Variants in RNF152 observed in about 807,000 individuals in gnomAD.
The protein encoded by RNF152 is E3 ubiquitin-protein ligase RNF152.
RNF152 carries 11 observed loss-of-function variants against 12.7 expected under a neutral mutation model. The observed-to-expected ratio is 0.86, with a 90% CI of 0.54 to 1.43. The LOEUF (loss-of-function observed/expected upper bound fraction) is 1.43. RNF152 is among the 40% of genes most tolerant of loss of function. RNF152 has a pLI of 0.00. For missense variants in RNF152, 255 were observed against 274.8 expected, an observed-to-expected ratio of 0.93 and a Z score of 0.51; for synonymous variants, 113 against 120.3, an observed-to-expected ratio of 0.94 and a Z score of 0.40.
At chr18:61,817,739 T>C (rs971486433) in intron 1 of RNF152, among the ~76,000 whole-genome samples, 2 of 123,922 alleles carry the variant, frequency 1.6e-5, no homozygotes, top group Admixed American at 8.0e-5. Context: ...GCATTCCTCA[T>C]TGTAAAAAAA....
chr18:61,821,137 A>C (rs1423975896), intron 1 of RNF152, among the ~76,000 whole-genome samples: 1 of 152,236 alleles, frequency 6.6e-6, no homozygotes, highest in African/African-American at 2.4e-5. Flanking sequence ...GAGGCATGCA[A>C]GTGTTCTTCC....
In RNF152 at chr18:61,813,873, T is replaced by C. The variant is rs1052916530; in HGVS notation, c.*1979A>G. 3.3e-5 allele frequency: 5 copies of C among 152,118 alleles called. No individual in the cohort carries two copies. The highest frequency in any genetic ancestry group is 1.3e-4 in the Admixed American group (2 of 15,270). The allele number at this position is 152,118 out of a possible 1,614,324, so 9.4% of individuals were successfully genotyped here. On this transcript the variant is annotated 3_prime_UTR_variant, in exon 2 of 2. Transcript: ENST00000312828. ...TGGCAGCCTGGGAGAGTTTGAGAAA[T>C]TGACACTAACCCAACAGTATATTAT... is the stretch of plus-strand genomic sequence containing the variant.
intron 1 of RNF152, among the ~76,000 whole-genome samples, chr18:61,855,421 C>T (rs1052603364): frequency 3.9e-5 from 6 of 152,252 alleles, no homozygotes; most frequent in South Asian, 4.1e-4. Context: ...CAGGACTGTG[C>T]GTTCCATAGC....
intron 1 of RNF152, among the ~76,000 whole-genome samples, chr18:61,819,836 C>G (rs2144621423): frequency 6.6e-6 from 1 of 151,118 alleles, no homozygotes; most frequent in African/African-American, 2.4e-5. Context: ...GCCTAGTCAA[C>G]ATAACGAGAC....
At chr18:61,872,673 C>A (rs1284915361) in intron 1 of RNF152, among the ~76,000 whole-genome samples, 1 of 152,130 alleles carries the variant, frequency 6.6e-6, no homozygotes, top group Admixed American at 6.5e-5. Context: ...CTCAAAATAA[C>A]CTCATTATTC....
chr18:61,823,488 A>G (rs4941065), intron 1 of RNF152, among the ~76,000 whole-genome samples: 145,343 of 152,208 alleles, frequency 0.95, 69,409 homozygotes, highest in East Asian at 1. Context: ...TAGTAGAGAT[A>G]GGGTTTCGCC....
intron 1 of RNF152, among the ~76,000 whole-genome samples, chr18:61,861,659 G>C (rs779249819): frequency 5.3e-5 from 8 of 152,240 alleles, no homozygotes; most frequent in Non-Finnish European, 1.0e-4. Flanking sequence ...GTAGCTCACA[G>C]TTCCACTGGC....
chr18:61,863,957 T>C (rs1054497406), intron 1 of RNF152, among the ~76,000 whole-genome samples: 1 of 152,232 alleles, frequency 6.6e-6, no homozygotes, highest in African/African-American at 2.4e-5. Context: ...TATTTTAATC[T>C]TTCTCTTTCT....
At chr18:61,863,895 G>A (rs945527663) in intron 1 of RNF152, among the ~76,000 whole-genome samples, 8 of 152,218 alleles carry the variant, frequency 5.3e-5, no homozygotes, top group Non-Finnish European at 1.5e-5. Context: ...CAGCACTGAT[G>A]ATAAGGAACT....
At chr18:61,844,875 A>C (rs944091310) in intron 1 of RNF152, among the ~76,000 whole-genome samples, 1 of 152,182 alleles carries the variant, frequency 6.6e-6, no homozygotes, top group African/African-American at 2.4e-5. Context: ...TAAAACAAAA[A>C]AAAAAAAGCA....
intron 1 of RNF152, among the ~76,000 whole-genome samples, chr18:61,889,152 T>C (rs1912832592): frequency 6.6e-6 from 1 of 152,178 alleles, no homozygotes; most frequent in African/African-American, 2.4e-5. Flanking sequence ...CTTTGGGTGC[T>C]ACATCTTATC....
At chr18:61,886,458 TAC>T (rs369352962) in intron 1 of RNF152, among the ~76,000 whole-genome samples, 170 of 152,358 alleles carry the variant, frequency 1.1e-3, no homozygotes, top group African/African-American at 3.8e-3. Context: ...TCACTTTCAA[TAC>T]AGTATTCAAT....
chr18:61,845,451 C>T (rs78820883), intron 1 of RNF152, among the ~76,000 whole-genome samples: 6,776 of 152,342 alleles, frequency 0.044, 242 homozygotes, highest in Non-Finnish European at 0.064. Context: ...CTCAAACTGA[C>T]TCAGCCACCT....
At chr18:61,842,091 C>T (rs1177000982) in intron 1 of RNF152, among the ~76,000 whole-genome samples, 1 of 152,226 alleles carries the variant, frequency 6.6e-6, no homozygotes, top group East Asian at 1.9e-4. Context: ...AAACTAAATT[C>T]AGCTCTGAGT....
chr18:61,820,797 T>C (rs1909365473), intron 1 of RNF152, among the ~76,000 whole-genome samples: 1 of 152,184 alleles, frequency 6.6e-6, no homozygotes, highest in Non-Finnish European at 1.5e-5. Context: ...GGGAAGTAGC[T>C]CAGCAGAGTG....
chr18:61,829,509 A>C (rs1909832216), intron 1 of RNF152, among the ~76,000 whole-genome samples: 1 of 151,086 alleles, frequency 6.6e-6, no homozygotes, highest in Non-Finnish European at 1.5e-5. Flanking sequence ...AGAGAGATAT[A>C]TATATATCAG....
At chr18:61,859,378 C>T (rs1488481735) in intron 1 of RNF152, among the ~76,000 whole-genome samples, 3 of 152,210 alleles carry the variant, frequency 2.0e-5, no homozygotes, top group Non-Finnish European at 1.5e-5. Flanking sequence ...CAGTTTCACA[C>T]ACTGTTCCCA....
chr18:61,853,824 A>G (rs1231590791), intron 1 of RNF152, among the ~76,000 whole-genome samples: 1 of 152,208 alleles, frequency 6.6e-6, no homozygotes, highest in Non-Finnish European at 1.5e-5. Context: ...TTTGCCATGT[A>G]GGTAACATAT....
chr18:61,829,219 G>A (rs996857307), intron 1 of RNF152, among the ~76,000 whole-genome samples: 1 of 152,160 alleles, frequency 6.6e-6, no homozygotes, highest in African/African-American at 2.4e-5. Flanking sequence ...TCACTGTAAG[G>A]GGAGGCAGGA....
Sources: allele counts gnomAD v4.1 joint callset (sites outside exome capture counted in the v4.1 genomes callset), GRCh38; gene constraint gnomAD v4.1.1; transcripts MANE v1.5; gene names NCBI Gene and HGNC (gene_info 2026-07-23, HGNC 2026-07-21).